Variants in ERICH3 observed in about 807,000 individuals in gnomAD.
ERICH3 encodes the protein glutamate rich 3.
ERICH3 carries 126 observed loss-of-function variants against 131.1 expected under a neutral mutation model. That is an observed-to-expected ratio of 0.96 (90% CI 0.83 to 1.11). The LOEUF (loss-of-function observed/expected upper bound fraction) is 1.11. ERICH3 is among the 50% of genes most tolerant of loss of function. The pLI, the probability that ERICH3 is intolerant of heterozygous loss-of-function variation, is 0.00. For synonymous variants in ERICH3, 695 were observed against 644.6 expected (o/e 1.08, Z -1.18); for missense variants, 2,050 against 1,810.7 (o/e 1.13, Z -2.40).
intron 1 of ERICH3, among the ~76,000 whole-genome samples, chr1:74,662,256 C>A (rs1281108787): frequency 1.3e-5 from 2 of 152,138 alleles, no homozygotes; most frequent in Non-Finnish European, 2.9e-5. Flanking sequence ...CAGCCTGAGG[C>A]CAGCCTCACT....
chr1:74,600,566 T>C (rs1457719538), intron 10 of ERICH3, among the ~76,000 whole-genome samples: 1 of 151,904 alleles, frequency 6.6e-6, no homozygotes, highest in Non-Finnish European at 1.5e-5. Flanking sequence ...GATAAAAATT[T>C]ACACAAAATA....
chr1:74,641,515 T>TTAC, intron 4 of ERICH3, 56 bp from the exon 5 acceptor site: 2 of 1,552,668 alleles, frequency 1.3e-6, no homozygotes, highest in South Asian at 1.1e-5. Flanking sequence ...CTAGGTTAGA[T>TTAC]TATGCATGAC....
At chr1:74,625,964 A>G (rs558468435) in intron 7 of ERICH3, 1 of 152,300 alleles carries the variant, frequency 6.6e-6, no homozygotes, top group Non-Finnish European at 1.5e-5. Context: ...TAAGTATAAA[A>G]TATTCATTGA....
chr1:74,618,173 A>ATTAAAAACCG (rs1031566725), intron 8 of ERICH3, among the ~76,000 whole-genome samples: 4 of 152,188 alleles, frequency 2.6e-5, no homozygotes, highest in Non-Finnish European at 5.9e-5. Context: ...AAAGAAAAAA[A>ATTAAAAACCG]TTAAAAACCG....
chr1:74,639,650 T>C (rs1051045947), intron 5 of ERICH3, among the ~76,000 whole-genome samples: 1 of 152,170 alleles, frequency 6.6e-6, no homozygotes, highest in Non-Finnish European at 1.5e-5. Context: ...TGTGGGTGAA[T>C]GTTCCAAGCA....
intron 11 of ERICH3, among the ~76,000 whole-genome samples, chr1:74,592,549 C>A (rs1284787574): frequency 6.6e-6 from 1 of 152,174 alleles, no homozygotes; most frequent in Non-Finnish European, 1.5e-5. Flanking sequence ...ATGACTCCTA[C>A]TTTTAGCTCT....
rs761705838 is a variant in ERICH3, at chr1:74,573,087, C to G, written c.2623G>C (p.Ala875Pro). Residue 875 changes from alanine to proline, a missense_variant, in exon 14 of 15, where the codon GCT becomes CCT. By Grantham distance (27) the Ala-to-Pro change is conservative. Coordinates refer to ENST00000326665, the MANE Select transcript of ERICH3 (RefSeq NM_001002912.5). ...KDAVGLSKDE[A>P]PEKQALMLTV... ...AGCATCAAGGCTTGCTTTTCAGGAG[C>G]CTCATCTTTACTCAGACCCACAGCA... 1 of 1,614,092 alleles carries G rather than the reference C, an allele frequency of 6.2e-7. No individual in the cohort carries two copies. The highest frequency in any genetic ancestry group is 8.5e-7 in the Non-Finnish European group (1 of 1,179,990).
chr1:74,597,223 C>G (rs1326270554), intron 11 of ERICH3, among the ~76,000 whole-genome samples: 1 of 151,892 alleles, frequency 6.6e-6, no homozygotes, highest in Non-Finnish European at 1.5e-5. Flanking sequence ...GCTGACACTC[C>G]ACATACTAAA....
chr1:74,636,199 T>C (rs1557694164), intron 6 of ERICH3, 81 bp downstream of exon 6: 2 of 1,157,010 alleles, frequency 1.7e-6, no homozygotes, highest in Admixed American at 5.5e-5. Flanking sequence ...TTTAATCGAA[T>C]ATAATACCTT....
chr1:74,665,445 A>T (rs540514216), intron 1 of ERICH3, among the ~76,000 whole-genome samples: 1 of 152,322 alleles, frequency 6.6e-6, no homozygotes, highest in African/African-American at 2.4e-5. Flanking sequence ...TTCTCATAAA[A>T]ACCACTTTCA....
intron 1 of ERICH3, among the ~76,000 whole-genome samples, chr1:74,660,340 A>T (rs900856112): frequency 6.6e-6 from 1 of 152,004 alleles, no homozygotes; most frequent in African/African-American, 2.4e-5. Context: ...TTAACATAAA[A>T]TTAATATAAT....
At chr1:74,627,887 T>C (rs997242830) in intron 7 of ERICH3, among the ~76,000 whole-genome samples, 1 of 152,124 alleles carries the variant, frequency 6.6e-6, no homozygotes, top group Non-Finnish European at 1.5e-5. Context: ...TTTACTACCA[T>C]AAAATACACA....
At chr1:74,671,364 A>G (rs12758713) in intron 1 of ERICH3, among the ~76,000 whole-genome samples, 34,686 of 151,906 alleles carry the variant, frequency 0.23, 4,178 homozygotes, top group Middle Eastern at 0.33. Flanking sequence ...TGCCCTTTGA[A>G]GCATATGATC....
intron 1 of ERICH3, among the ~76,000 whole-genome samples, chr1:74,665,198 G>A (rs1432318654): frequency 6.9e-6 from 1 of 144,816 alleles, no homozygotes; most frequent in Non-Finnish European, 1.5e-5. Flanking sequence ...GGGCGACAGA[G>A]CAAGACTCCG....
At chr1:74,652,929 G>A (rs148136379) in intron 1 of ERICH3, among the ~76,000 whole-genome samples, 6 of 152,200 alleles carry the variant, frequency 3.9e-5, no homozygotes, top group African/African-American at 7.2e-5. Context: ...AACAGTCTCC[G>A]AGGAAACAGA....
chr1:74,631,376 T>G (rs1646332376), intron 7 of ERICH3, among the ~76,000 whole-genome samples: 1 of 152,108 alleles, frequency 6.6e-6, no homozygotes. Flanking sequence ...GGTTTCTGAA[T>G]TTTTACAACT....
At chr1:74,667,634 G>A (rs543739041) in intron 1 of ERICH3, among the ~76,000 whole-genome samples, 131 of 152,258 alleles carry the variant, frequency 8.6e-4, no homozygotes, top group African/African-American at 3.0e-3. Context: ...ATTCAGAATT[G>A]AATCAGAAGT....
intron 9 of ERICH3, 57 bp downstream of exon 9, chr1:74,612,566 A>T: frequency 7.0e-7 from 1 of 1,426,698 alleles, no homozygotes; most frequent in South Asian, 1.6e-5. Context: ...TAGTAAAGGC[A>T]TTCAAAGAAA....
chr1:74,569,914 T>G lies in ERICH3; in HGVS notation c.*544A>C, dbSNP rs894774168. 4 of 152,188 alleles carry G rather than the reference T, an allele frequency of 2.6e-5. No homozygotes were observed. The highest frequency in any genetic ancestry group is 4.4e-5 in the Non-Finnish European group (3 of 68,024). 9.4% of individuals were successfully genotyped at this position (152,188 alleles called of 1,614,324 possible). ...CCAAGAAATCTTTTGCTGGAAGAAC[T>G]TAGAGATTTGGAGCAATCTTGAGTT... On this transcript the variant is annotated 3_prime_UTR_variant, in exon 15 of 15. Transcript: ENST00000326665.
Sources: allele counts gnomAD v4.1 joint callset (sites outside exome capture counted in the v4.1 genomes callset), GRCh38; gene constraint gnomAD v4.1.1; transcripts MANE v1.5; gene names NCBI Gene and HGNC (gene_info 2026-07-23, HGNC 2026-07-21).